HECA: variants seen among roughly 807,000 people sequenced by gnomAD.
HECA encodes the protein HECA ribonucleoprotein granule regulator.
A neutral mutation model predicts 37.6 loss-of-function variants in HECA; 13 were observed. The ratio of observed to expected loss-of-function variants is 0.35; its 90% CI spans 0.23 to 0.55. The LOEUF (loss-of-function observed/expected upper bound fraction) is 0.55. Ranked by LOEUF, HECA falls within the 20% of genes least tolerant of loss-of-function variation. HECA has a pLI of 0.90. For missense variants in HECA, 527 were observed against 701.9 expected (o/e 0.75, Z 2.82); for synonymous variants, 307 against 291.5 (o/e 1.05, Z -0.54).
At chr6:139,141,957 C>T (rs1305389453) in intron 1 of HECA, among the ~76,000 whole-genome samples, 29 of 121,248 alleles carry the variant, frequency 2.4e-4, no homozygotes, top group Non-Finnish European at 4.5e-4. Flanking sequence ...CATGGAGTGT[C>T]GCTCTGTCGC....
At chr6:139,141,753 C>CTTTTTTT (rs200706578) in intron 1 of HECA, among the ~76,000 whole-genome samples, 2 of 78,176 alleles carry the variant, frequency 2.6e-5, no homozygotes, top group Non-Finnish European at 5.5e-5. Flanking sequence ...TAAACACCTT[C>CTTTTTTT]TTTTTTTTTT....
At position 139,177,329 on chromosome 6, in the gene HECA, G is replaced by A; in HGVS notation, c.*224G>A. 5.5e-6 allele frequency: 2 copies of A among 365,426 alleles called. No homozygotes were observed. The highest frequency in any genetic ancestry group is 9.9e-6 in the Non-Finnish European group (2 of 201,094). 22.6% of individuals were successfully genotyped at this position (365,426 alleles called of 1,614,324 possible). On this transcript the variant is annotated 3_prime_UTR_variant, in exon 4 of 4. Transcript: ENST00000367658. This position sits in a 1 kb window ranked among gnomAD's most constrained non-coding sequence, Gnocchi z 4.9. ...CCAGATGGGTAATCCTGTGCATTTG[G>A]GTTGGGGTTCACTCTTACCAAGAAT... is the stretch of plus-strand genomic sequence containing the variant.
intron 2 of HECA, chr6:139,169,533 C>T (rs1397227199): frequency 2.0e-5 from 3 of 152,226 alleles, no homozygotes; most frequent in African/African-American, 4.8e-5. Context: ...TTGTACCTAA[C>T]TCCCTTTATC....
chr6:139,166,116 CAT>C (rs1473436245), intron 1 of HECA, 166 bp from the exon 2 acceptor site: 2 of 587,986 alleles, frequency 3.4e-6, no homozygotes, highest in Non-Finnish European at 5.9e-6. Flanking sequence ...GTAGCTTCAT[CAT>C]ATTATTCCCT....
In HECA at chr6:139,167,128, C is replaced by G; in HGVS notation, c.1116C>G (p.Ala372=). Residue 372 remains alanine (A), a synonymous_variant, in exon 2 of 4, where the codon GCC becomes GCG. Transcript: ENST00000367658. ...TCCACGTGCGCATGGAAGACGATGC[C>G]CAAGTGGGCCAGGGGGAAGACTTGC... ...NTFHVRMEDD[A]QVGQGEDLRK... 6.2e-7 allele frequency: 1 copy of G among 1,614,166 alleles called. No homozygotes were observed. The highest frequency in any genetic ancestry group is 8.5e-7 in the Non-Finnish European group (1 of 1,180,040).
intron 2 of HECA, 112 bp from the exon 3 acceptor site, chr6:139,174,273 C>T: frequency 8.0e-7 from 1 of 1,247,438 alleles, no homozygotes; most frequent in Non-Finnish European, 1.1e-6. Flanking sequence ...TTATATTTAT[C>T]CAAATGATAA....
chr6:139,171,097 G>C (rs1774966117), intron 2 of HECA, among the ~76,000 whole-genome samples: 1 of 152,264 alleles, frequency 6.6e-6, no homozygotes, highest in Non-Finnish European at 1.5e-5. Flanking sequence ...GGGTTTGAAG[G>C]GATGTTGGGA....
At position 139,135,573 on chromosome 6, in the gene HECA, C is replaced by T. The variant is rs1209084406; in HGVS notation, c.177C>T (p.Gly59=). 7.4e-6 allele frequency: 7 copies of T among 946,090 alleles called. No homozygotes were observed. Among genetic ancestry groups the T allele is most frequent in the African/African-American group, 5.4e-5 (3 of 55,048 alleles). The allele number at this position is 946,090 out of a possible 1,614,324, so 58.6% of individuals were successfully genotyped here. ...GCGAAAAGAP[G]AGGAAGAGGA... is the part of the protein sequence containing the mutation. ...GGGCGGCGGCGGCGGGCGCGCCGGG[C>T]GCCGGAGGCGCGGCGGGCGCCGGAG... Residue 59 remains glycine (G), a synonymous_variant, in exon 1 of 4, where the codon GGC becomes GGT. Transcript: ENST00000367658.
At chr6:139,140,897 T>C (rs934555557) in intron 1 of HECA, among the ~76,000 whole-genome samples, 5 of 151,928 alleles carry the variant, frequency 3.3e-5, no homozygotes, top group African/African-American at 1.2e-4. Flanking sequence ...TTCACACTAT[T>C]CTCCTACCTC....
intron 1 of HECA, among the ~76,000 whole-genome samples, chr6:139,136,444 T>C (rs1774437632): frequency 6.6e-6 from 1 of 152,110 alleles, no homozygotes; most frequent in Non-Finnish European, 1.5e-5. Flanking sequence ...TACAGAGCCA[T>C]GGTTTTCGTT....
intron 2 of HECA, among the ~76,000 whole-genome samples, chr6:139,172,446 C>T (rs1383782337): frequency 6.6e-6 from 1 of 152,146 alleles, no homozygotes; most frequent in East Asian, 1.9e-4. Flanking sequence ...GACCCTGTCT[C>T]TGGACTTCGT....
intron 1 of HECA, among the ~76,000 whole-genome samples, chr6:139,139,359 CTG>C (rs1774487085): frequency 6.6e-6 from 1 of 152,198 alleles, no homozygotes; most frequent in Non-Finnish European, 1.5e-5. Flanking sequence ...AGTAAAATAT[CTG>C]TATCTATCTA....
chr6:139,160,553 A>G (rs1215636429), intron 1 of HECA, among the ~76,000 whole-genome samples: 3 of 152,118 alleles, frequency 2.0e-5, no homozygotes, highest in South Asian at 4.1e-4. Context: ...AGCTGGGACT[A>G]TAGGCACATG....
At chr6:139,159,522 GA>G (rs1288934594) in intron 1 of HECA, among the ~76,000 whole-genome samples, 1 of 152,120 alleles carries the variant, frequency 6.6e-6, no homozygotes, top group Non-Finnish European at 1.5e-5. Context: ...TTAGTTTGAG[GA>G]AGTGAGGGTG....
At position 139,135,618 on chromosome 6, in the gene HECA, G is replaced by C; in HGVS notation, c.222G>C (p.Ala74=). ...CCGGAGGCGCGGGGACTGGCGCCGC[G>C]AACGCTGCGGCCGCCGCGGGGGCTG... ...AGAGGAGTGA[A]NAAAAAGAAA... is the part of the protein sequence containing the mutation. The change falls in exon 1 of 4, where the codon GCG becomes GCC. Residue 74 remains alanine (A), a synonymous_variant. Coordinates refer to ENST00000367658, the MANE Select transcript of HECA (RefSeq NM_016217.3). 7 of 961,454 alleles carry C rather than the reference G, an allele frequency of 7.3e-6. No individual in the cohort carries two copies. Among genetic ancestry groups the C allele is most frequent in the Non-Finnish European group, 8.6e-6 (7 of 812,256 alleles). 59.6% of individuals were successfully genotyped at this position (961,454 alleles called of 1,614,324 possible). A position where few individuals can be genotyped will look rare whatever the true frequency, so the allele number is the denominator to read the frequency against.
At chr6:139,152,137 C>T (rs550951209) in intron 1 of HECA, among the ~76,000 whole-genome samples, 3 of 152,262 alleles carry the variant, frequency 2.0e-5, no homozygotes, top group Admixed American at 6.5e-5. Context: ...GGTCCGTATT[C>T]TTTTGGGTCT....
intron 1 of HECA, 192 bp from the exon 2 acceptor site, chr6:139,166,092 G>C (rs951442428): frequency 7.4e-6 from 4 of 540,040 alleles, no homozygotes; most frequent in Non-Finnish European, 1.3e-5. Flanking sequence ...GATTCCACCA[G>C]ACTGGTTGGT....
intron 2 of HECA, among the ~76,000 whole-genome samples, chr6:139,172,409 G>C (rs1409155138): frequency 6.6e-6 from 1 of 152,138 alleles, no homozygotes; most frequent in Admixed American, 6.6e-5. Context: ...CCCTCGCCCT[G>C]CCCTTTACCA....
In HECA at chr6:139,135,131, G is replaced by A. The variant is rs898246619; in HGVS notation, c.-266G>A. 1 of 168,040 alleles carries A rather than the reference G, an allele frequency of 6.0e-6. No homozygotes were observed. Among genetic ancestry groups the A allele is most frequent in the African/African-American group, 2.4e-5 (1 of 41,864 alleles). The allele number at this position is 168,040 out of a possible 1,614,324, so 10.4% of individuals were successfully genotyped here. A position where few individuals can be genotyped will look rare whatever the true frequency, so the allele number is the denominator to read the frequency against. On this transcript the variant is annotated 5_prime_UTR_variant, in exon 1 of 4. Transcript: ENST00000367658. ...AGACCCGCCTTTTCCCTCCGGCTCGGGAGCGTCTCGCTTGCGCCCCGGGCC... is the reference window on the plus strand; with the variant it reads ...AGACCCGCCTTTTCCCTCCGGCTCGAGAGCGTCTCGCTTGCGCCCCGGGCC...
Sources: gnomAD v4.1 joint callset for allele counts (sites outside exome capture counted in the v4.1 genomes callset) on GRCh38, gnomAD v4.1.1 for gene constraint, Gnocchi (gnomAD v3.1) non-coding constraint, MANE v1.5 for transcripts, NCBI Gene and HGNC (gene_info 2026-07-23, HGNC 2026-07-21) for gene names.